Variants in ELMO1 observed in about 807,000 individuals in gnomAD.
The protein encoded by ELMO1 is engulfment and cell motility 1, also known as engulfment and cell motility protein 1.
Under a neutral mutation model 98.9 loss-of-function variants are expected in ELMO1, and 26 were observed. The observed-to-expected ratio is 0.26, with a 90% CI of 0.19 to 0.36. ELMO1 has a LOEUF of 0.36. ELMO1 is among the 10% of genes least tolerant of loss of function. The probability of loss-of-function intolerance (pLI) is 1.00; values close to 1 mark genes in which losing one functional copy is unlikely to be tolerated. For missense variants in ELMO1, 627 were observed against 935.2 expected, an observed-to-expected ratio of 0.67 and a Z score of 4.30; for synonymous variants, 346 against 346.0, an observed-to-expected ratio of 1.00 and a Z score of 0.00.
intron 13 of ELMO1, among the ~76,000 whole-genome samples, chr7:37,190,763 G>C (rs1791516239): frequency 6.6e-6 from 1 of 152,078 alleles, no homozygotes; most frequent in Non-Finnish European, 1.5e-5. Context: ...GCCTCCCAAA[G>C]TGCTGGGTTT....
chr7:37,420,968 T>C (rs1804447585), intron 1 of ELMO1, among the ~76,000 whole-genome samples: 1 of 152,222 alleles, frequency 6.6e-6, no homozygotes, highest in Non-Finnish European at 1.5e-5. Flanking sequence ...CACTTGTATC[T>C]GATGGCCTCA....
At position 37,309,965 on chromosome 7, in the gene ELMO1, T is replaced by A. The variant is rs567752819; in HGVS notation, c.192+4885A>T. On this transcript the variant is annotated intron_variant, in intron 4 of 21. Coordinates refer to ENST00000310758, the MANE Select transcript of ELMO1 (RefSeq NM_014800.11). ...TGAATTCTGCAAAATAGTGGAATCATCTCCTGACCAGAATGAAATGTACAA... is the reference window on the plus strand; with the variant it reads ...TGAATTCTGCAAAATAGTGGAATCAACTCCTGACCAGAATGAAATGTACAA... Among the ~76,000 whole-genome samples, 54 of 152,310 alleles carry A rather than the reference T, an allele frequency of 3.5e-4. 1 individual carries two copies. Among genetic ancestry groups the A allele is most frequent in the African/African-American group, 1.2e-3 (48 of 41,570 alleles).
At chr7:37,256,339 T>C (rs556928885) in intron 6 of ELMO1, among the ~76,000 whole-genome samples, 1 of 152,172 alleles carries the variant, frequency 6.6e-6, no homozygotes, top group South Asian at 2.1e-4. Flanking sequence ...TTCTCTGACA[T>C]GATGTTCTTC....
chr7:36,889,419 TG>T (rs1463159209), intron 17 of ELMO1, among the ~76,000 whole-genome samples: 2 of 152,152 alleles, frequency 1.3e-5, no homozygotes, highest in African/African-American at 2.4e-5. Context: ...GAAAAGAAAG[TG>T]GGTAACTGCC....
chr7:37,312,418 T>C (rs1798936085), intron 4 of ELMO1, among the ~76,000 whole-genome samples: 1 of 152,174 alleles, frequency 6.6e-6, no homozygotes, highest in Non-Finnish European at 1.5e-5. Flanking sequence ...TGTGCACAAC[T>C]TCTGGACAGA....
At chr7:37,221,331 C>A in intron 10 of ELMO1, among the ~76,000 whole-genome samples, 1 of 152,138 alleles carries the variant, frequency 6.6e-6, no homozygotes, top group Non-Finnish European at 1.5e-5. Context: ...AAAATAAAAT[C>A]CAAAAATTCT....
Position 36,932,070 on chromosome 7 carries a change from C to CTTCATTCA in ELMO1, c.1438-37061_1438-37054dup, listed in dbSNP as rs113584410. Among the ~76,000 whole-genome samples the CTTCATTCA allele has an allele frequency of 1.8e-3, 276 of 151,692 alleles. 1 individual carries two copies. Among genetic ancestry groups the CTTCATTCA allele is most frequent in the African/African-American group, 3.5e-3 (146 of 41,344 alleles). On this transcript the variant is annotated intron_variant, in intron 16 of 21. Coordinates refer to ENST00000310758, the MANE Select transcript of ELMO1 (RefSeq NM_014800.11). Reference sequence around the variant, plus strand: ...GATGATCTGCTCTTTGGAGAGTTAACTTCATTCATTCATTCATTCATTCAT... The same window carrying CTTCATTCA: ...GATGATCTGCTCTTTGGAGAGTTAACTTCATTCATTCATTCATTCATTCATTCATTCAT...
At chr7:37,175,753 A>T (rs1359799793) in intron 13 of ELMO1, among the ~76,000 whole-genome samples, 1 of 152,180 alleles carries the variant, frequency 6.6e-6, no homozygotes, top group Non-Finnish European at 1.5e-5. Flanking sequence ...AGGCTGAGGC[A>T]CCAGAATCAC....
At chr7:36,864,761 G>A (rs1041977790) in intron 20 of ELMO1, among the ~76,000 whole-genome samples, 20 of 152,200 alleles carry the variant, frequency 1.3e-4, no homozygotes, top group South Asian at 2.1e-4. Context: ...CTTAGACATC[G>A]AATGTTCAGG....
chr7:36,965,424 G>A (rs1432854970), intron 16 of ELMO1, among the ~76,000 whole-genome samples: 1 of 152,178 alleles, frequency 6.6e-6, no homozygotes, highest in Non-Finnish European at 1.5e-5. Context: ...CTTTCTCCCA[G>A]AAGATTGTTT....
At chr7:37,036,152 AGTTT>A (rs1329065862) in intron 15 of ELMO1, among the ~76,000 whole-genome samples, 1 of 152,108 alleles carries the variant, frequency 6.6e-6, no homozygotes. Flanking sequence ...TAGGCTACAC[AGTTT>A]GTTGGAGTAT....
chr7:37,050,779 AAC>A (rs1449679582), intron 15 of ELMO1, among the ~76,000 whole-genome samples: 1 of 151,636 alleles, frequency 6.6e-6, no homozygotes, highest in Non-Finnish European at 1.5e-5. Context: ...CAAAAAAAAA[AAC>A]CCTATTTGAT....
At chr7:37,211,571 G>A (rs1792975327) in intron 12 of ELMO1, 54 bp from the exon 13 acceptor site, 3 of 1,595,182 alleles carry the variant, frequency 1.9e-6, no homozygotes, top group Non-Finnish European at 2.6e-6. Flanking sequence ...TGCTTTCATT[G>A]TGTGACATTA....
At chr7:37,415,532 T>C (rs574915702) in intron 1 of ELMO1, among the ~76,000 whole-genome samples, 2 of 152,330 alleles carry the variant, frequency 1.3e-5, no homozygotes, top group Admixed American at 6.5e-5. Flanking sequence ...TGAGTTATGA[T>C]AGACAGTATG....
At chr7:37,093,208 G>A (rs1235989102) in intron 15 of ELMO1, among the ~76,000 whole-genome samples, 1 of 151,888 alleles carries the variant, frequency 6.6e-6, no homozygotes, top group Non-Finnish European at 1.5e-5. Context: ...TTAGAAAACT[G>A]AACATAAATA....
intron 15 of ELMO1, among the ~76,000 whole-genome samples, chr7:37,090,616 C>A (rs1784031592): frequency 6.6e-6 from 1 of 151,836 alleles, no homozygotes; most frequent in Non-Finnish European, 1.5e-5. Flanking sequence ...TCAACAGCCG[C>A]CTCCCACCAT....
At chr7:37,082,416 T>C (rs1270545464) in intron 15 of ELMO1, among the ~76,000 whole-genome samples, 2 of 152,078 alleles carry the variant, frequency 1.3e-5, no homozygotes, top group African/African-American at 2.4e-5. Context: ...GAAAAGCATA[T>C]TTCACAGCCA....
intron 16 of ELMO1, among the ~76,000 whole-genome samples, chr7:36,913,845 G>T (rs1784503879): frequency 6.6e-6 from 1 of 152,176 alleles, no homozygotes; most frequent in South Asian, 2.1e-4. Flanking sequence ...CAATCATACA[G>T]CAGTGGGGTA....
intron 16 of ELMO1, among the ~76,000 whole-genome samples, chr7:36,987,454 CT>C (rs1382637548): frequency 6.6e-6 from 1 of 152,120 alleles, no homozygotes; most frequent in Non-Finnish European, 1.5e-5. Context: ...CCGATTTGGG[CT>C]TATGTTAGAG....
Sources: allele counts gnomAD v4.1 joint callset (sites outside exome capture counted in the v4.1 genomes callset), GRCh38; gene constraint gnomAD v4.1.1; transcripts MANE v1.5; gene names NCBI Gene and HGNC (gene_info 2026-07-23, HGNC 2026-07-21).